The following SP3 variants were observed in gnomAD, a reference collection of about 807,000 sequenced individuals.
SP3 encodes the protein transcription factor Sp3.
In SP3, 10 loss-of-function variants were observed where a neutral mutation model predicts 70.3. The observed-to-expected ratio is 0.14, with a 90% confidence interval of 0.09 to 0.24. The LOEUF is 0.24. Among genes scored for constraint, SP3 ranks in the 10% least tolerant of loss-of-function variants. The probability of loss-of-function intolerance (pLI) is 1.00; values close to 1 mark genes in which losing one functional copy is unlikely to be tolerated. For synonymous variants in SP3, 402 were observed against 333.5 expected, an observed-to-expected ratio of 1.21 and a Z score of -2.24; for missense variants, 825 against 914.6, an observed-to-expected ratio of 0.90 and a Z score of 1.26.
rs555633197 is a variant in SP3 at position 173,906,776 on chromosome 2, T to G, written c.*3165A>C. 6.6e-5 allele frequency: 10 copies of G among 152,266 alleles called. No homozygotes were observed. Among genetic ancestry groups the G allele is most frequent in the African/African-American group, 1.9e-4 (8 of 41,536 alleles). The allele number at this position is 152,266 out of a possible 1,614,324, so 9.4% of individuals were successfully genotyped here. On this transcript the variant is annotated 3_prime_UTR_variant, in exon 7 of 7. Coordinates refer to ENST00000310015, the MANE Select transcript of SP3 (RefSeq NM_003111.5). ...TTAAGTGATTGTAACGCAGGAGTGT[T>G]TAACAGAACCACTTGAGCAGCTGTT...
At chr2:173,947,497 T>C (rs990737758) in intron 4 of SP3, among the ~76,000 whole-genome samples, 8 of 152,206 alleles carry the variant, frequency 5.3e-5, no homozygotes, top group Non-Finnish European at 8.8e-5. Flanking sequence ...TGCACTCCGA[T>C]TTCAAAAAAT....
chr2:173,941,423 C>T (rs549302820), intron 4 of SP3, among the ~76,000 whole-genome samples: 93 of 152,280 alleles, frequency 6.1e-4, no homozygotes, highest in Non-Finnish European at 1.1e-3. Flanking sequence ...GCCTGGTCAA[C>T]GTGGCAAAAC....
At chr2:173,963,508 T>G (rs1691153936) in intron 3 of SP3, 1 of 154,336 alleles carries the variant, frequency 6.5e-6, no homozygotes, top group Non-Finnish European at 1.4e-5. Flanking sequence ...TGGAGTCCTC[T>G]ACCCCCGCCC....
At chr2:173,950,085 C>T (rs1228605501) in intron 4 of SP3, among the ~76,000 whole-genome samples, 1 of 151,840 alleles carries the variant, frequency 6.6e-6, no homozygotes, top group African/African-American at 2.4e-5. Flanking sequence ...CTCAGTGGGC[C>T]ACAAATGGAC....
chr2:173,914,424 A>G (rs902201316), intron 5 of SP3: 3 of 152,132 alleles, frequency 2.0e-5, no homozygotes, highest in Non-Finnish European at 4.4e-5. Context: ...GGAAAAATGC[A>G]TATTTCCCCA....
intron 6 of SP3, among the ~76,000 whole-genome samples, chr2:173,912,195 C>G (rs1286310052): frequency 6.6e-6 from 1 of 152,190 alleles, no homozygotes; most frequent in Non-Finnish European, 1.5e-5. Flanking sequence ...CAATGAGAGA[C>G]AGGAACTAAA....
At chr2:173,951,133 C>T (rs192504005) in intron 4 of SP3, among the ~76,000 whole-genome samples, 1 of 152,278 alleles carries the variant, frequency 6.6e-6, no homozygotes, top group Non-Finnish European at 1.5e-5. Flanking sequence ...CATTTCATGA[C>T]CAACATAAAT....
At chr2:173,964,619 G>A in intron 1 of SP3, 66 bp from the exon 2 acceptor site, 1 of 626,638 alleles carries the variant, frequency 1.6e-6, no homozygotes, top group Non-Finnish European at 2.9e-6. Flanking sequence ...GAGGGGGCCC[G>A]CGGGCCGAAG....
intron 4 of SP3, among the ~76,000 whole-genome samples, chr2:173,941,705 C>T (rs901524280): frequency 6.6e-6 from 1 of 152,220 alleles, no homozygotes; most frequent in Non-Finnish European, 1.5e-5. Context: ...CTTCTGTTTC[C>T]TTTGCTAGCT....
chr2:173,956,835 G>A (rs546637217), intron 3 of SP3, among the ~76,000 whole-genome samples: 17 of 152,202 alleles, frequency 1.1e-4, no homozygotes, highest in African/African-American at 2.6e-4. Context: ...ACATGACAAC[G>A]TAGCCCCATT....
intron 6 of SP3, among the ~76,000 whole-genome samples, chr2:173,911,742 T>C (rs1055596689): frequency 1.3e-5 from 2 of 151,270 alleles, no homozygotes; most frequent in African/African-American, 4.9e-5. Flanking sequence ...TACTTTACTA[T>C]CCCAAGCAGT....
chr2:173,923,774 A>C (rs1689828966), intron 4 of SP3, among the ~76,000 whole-genome samples: 1 of 151,738 alleles, frequency 6.6e-6, no homozygotes, highest in South Asian at 2.1e-4. Context: ...TTAGAATCAA[A>C]TTACTTCATT....
At position 173,903,832 on chromosome 2, in the gene SP3, T is replaced by A. The variant is rs969188681; in HGVS notation, c.*6109A>T. ...TACCAGTCTTTCAAGGCCCACCCTT[T>A]CTGATTCATCCAAGCTATATACTAA... On this transcript the variant is annotated 3_prime_UTR_variant, in exon 7 of 7. Transcript: ENST00000310015. Among the ~76,000 whole-genome samples the A allele has an allele frequency of 6.6e-6, 1 of 152,194 alleles. No homozygotes were observed. The highest frequency in any genetic ancestry group is 2.4e-5 in the African/African-American group (1 of 41,428).
intron 3 of SP3, among the ~76,000 whole-genome samples, chr2:173,956,446 TA>T (rs1416591503): frequency 1.3e-5 from 2 of 152,162 alleles, no homozygotes; most frequent in East Asian, 1.9e-4. Flanking sequence ...TTGAGTGGGA[TA>T]AAAAAAATTC....
chr2:173,921,106 G>C (rs1689739747), intron 4 of SP3, among the ~76,000 whole-genome samples: 1 of 152,014 alleles, frequency 6.6e-6, no homozygotes, highest in South Asian at 2.1e-4. Context: ...TTTTCTGAAT[G>C]CATATTGTAC....
At chr2:173,957,857 C>T (rs1364852734) in intron 3 of SP3, among the ~76,000 whole-genome samples, 2 of 152,128 alleles carry the variant, frequency 1.3e-5, no homozygotes, top group Non-Finnish European at 2.9e-5. Context: ...CTTAAATACA[C>T]TTAAATTATA....
chr2:173,965,423 G>A (rs550993094), upstream of SP3: 514 of 536,684 alleles, frequency 9.6e-4, 2 homozygotes, highest in African/African-American at 9.5e-3. Context: ...TCGCCGCCGT[G>A]CTCTTTGTCG....
intron 4 of SP3, among the ~76,000 whole-genome samples, chr2:173,953,879 A>G (rs1434263779): frequency 1.3e-5 from 2 of 152,200 alleles, no homozygotes; most frequent in Non-Finnish European, 2.9e-5. Flanking sequence ...GCTTAAATGC[A>G]ATTAAAGGAT....
At chr2:173,961,948 T>TTTG (rs1691100113) in intron 3 of SP3, among the ~76,000 whole-genome samples, 5 of 146,242 alleles carry the variant, frequency 3.4e-5, no homozygotes, top group African/African-American at 7.6e-5. Context: ...TTTTTTTTTT[T>TTTG]TTTTTTTTTT....
Sources: allele counts gnomAD v4.1 joint callset (sites outside exome capture counted in the v4.1 genomes callset), GRCh38; gene constraint gnomAD v4.1.1; transcripts MANE v1.5; gene names NCBI Gene and HGNC (gene_info 2026-07-23, HGNC 2026-07-21).